IKZF4: variants seen among roughly 807,000 people sequenced by gnomAD.
The protein encoded by IKZF4 is zinc finger protein Eos.
IKZF4 carries 11 observed loss-of-function variants against 47.7 expected under a neutral mutation model. The ratio of observed to expected loss-of-function variants is 0.23; its 90% CI spans 0.15 to 0.38. The LOEUF (loss-of-function observed/expected upper bound fraction) is 0.38, where lower values mean the gene tolerates loss of function less well. IKZF4 is among the 10% of genes least tolerant of loss of function. IKZF4 has a pLI of 1.00. For synonymous variants in IKZF4, 298 were observed against 299.4 expected, an observed-to-expected ratio of 1.00 and a Z score of 0.05; for missense variants, 557 against 784.9, an observed-to-expected ratio of 0.71 and a Z score of 3.47.
At position 56,022,562 on chromosome 12, in the gene IKZF4, A is replaced by G. The variant is rs76025633; in HGVS notation, c.87+982A>G. 5.6e-3 allele frequency among the ~76,000 whole-genome samples: 848 copies of G among 152,288 alleles called. 3 individuals are homozygous for G. Among genetic ancestry groups the G allele is most frequent in the Non-Finnish European group, 9.1e-3 (618 of 68,030 alleles). On this transcript the variant is annotated intron_variant, in intron 1 of 7. Transcript: ENST00000547167. Reference sequence around the variant, plus strand: ...ACTCTAGTCCCCTCACCCCTGAGCTAGAATTCAAAATCCTTGGTGCCCAAG... The same window carrying G: ...ACTCTAGTCCCCTCACCCCTGAGCTGGAATTCAAAATCCTTGGTGCCCAAG...
Position 56,024,784 on chromosome 12 carries a change from T to G in IKZF4, c.182-270T>G, listed in dbSNP as rs1387881965. On this transcript the variant is annotated intron_variant, in intron 2 of 7. Coordinates refer to ENST00000547167, the MANE Select transcript of IKZF4 (RefSeq NM_022465.4). The stretch of plus-strand genomic sequence containing the variant: ...TGGCGCACCCAGCCTCAGCCCTGCT[T>G]CCTGTGGACGTCAGGCAGTGATGCT... 5 of 1,305,610 alleles carry G rather than the reference T, an allele frequency of 3.8e-6. No homozygotes were observed. In the African/African-American group the frequency reaches 7.6e-5, roughly 20 times the overall value. 80.9% of individuals were successfully genotyped at this position (1,305,610 alleles called of 1,614,324 possible).
intron 2 of IKZF4, among the ~76,000 whole-genome samples, chr12:56,012,780 C>T (rs1422135045): frequency 1.3e-5 from 2 of 152,140 alleles, no homozygotes; most frequent in African/African-American, 4.8e-5. Flanking sequence ...TAGGAGAAAG[C>T]CAGGGCCATG....
intron 1 of IKZF4, among the ~76,000 whole-genome samples, chr12:56,009,361 C>G (rs758472053): frequency 6.6e-6 from 1 of 152,222 alleles, no homozygotes; most frequent in African/African-American, 2.4e-5. Flanking sequence ...AAGGCCAAAT[C>G]AGACAATCTT....
At chr12:56,018,157 A>G (rs1426379744), upstream of IKZF4, 11 of 1,289,256 alleles carry the variant, frequency 8.5e-6, no homozygotes, top group East Asian at 1.7e-4. Context: ...GAAGACTGCA[A>G]TGGCCGCTCC....
chr12:56,015,770 C>G (rs1891960126), intron 2 of IKZF4, among the ~76,000 whole-genome samples: 2 of 152,194 alleles, frequency 1.3e-5, no homozygotes, highest in Non-Finnish European at 2.9e-5. Flanking sequence ...AAGGGCCCCT[C>G]AATACCAGAC....
At chr12:56,033,431 G>GGC in intron 7 of IKZF4, 110 bp downstream of exon 7, 3 of 1,395,506 alleles carry the variant, frequency 2.1e-6, no homozygotes, top group Admixed American at 1.8e-5. Context: ...TGGTGGGCTG[G>GGC]GTGCAGTGGC....
intron 5 of IKZF4, among the ~76,000 whole-genome samples, chr12:56,028,934 C>A (rs191217709): frequency 3.9e-5 from 6 of 152,054 alleles, no homozygotes; most frequent in Non-Finnish European, 2.9e-5. Context: ...GCCCTATTAC[C>A]CCCAACATCT....
intron 2 of IKZF4, among the ~76,000 whole-genome samples, chr12:56,012,801 G>A (rs1891500876): frequency 6.6e-5 from 10 of 152,148 alleles, no homozygotes; most frequent in Admixed American, 6.5e-4. Flanking sequence ...GAGGACTCTT[G>A]TTTATGCCAA....
chr12:56,015,170 G>A (rs936787108), intron 2 of IKZF4, among the ~76,000 whole-genome samples: 17 of 152,026 alleles, frequency 1.1e-4, no homozygotes, highest in African/African-American at 3.1e-4. Context: ...TCTGTCTCCC[G>A]GGTTCAAGCA....
At chr12:56,023,955 A>C (rs1893517501) in intron 2 of IKZF4, 191 bp downstream of exon 2, 1 of 981,456 alleles carries the variant, frequency 1.0e-6, no homozygotes, top group African/African-American at 1.8e-5. Context: ...CAGTATGTTT[A>C]TCCCAATAGG....
chr12:56,017,229 C>A (rs543871659), upstream of IKZF4, among the ~76,000 whole-genome samples: 5 of 126,636 alleles, frequency 3.9e-5, no homozygotes, highest in East Asian at 8.6e-4. Flanking sequence ...AGACTCCCCC[C>A]CCGCCCCCCC....
At chr12:56,023,851 C>T (rs1893493395) in intron 2 of IKZF4, 87 bp downstream of exon 2, 4 of 1,540,988 alleles carry the variant, frequency 2.6e-6, no homozygotes, top group African/African-American at 2.7e-5. Flanking sequence ...CTCTTTCTTG[C>T]ACTCTCCCTT....
At chr12:56,013,309 C>T (rs1294420074) in intron 2 of IKZF4, among the ~76,000 whole-genome samples, 1 of 151,966 alleles carries the variant, frequency 6.6e-6, no homozygotes, top group African/African-American at 2.4e-5. Context: ...GATTCTTATG[C>T]CTCAGCCTCC....
intron 3 of IKZF4, 105 bp from the exon 4 acceptor site, chr12:56,026,676 C>T (rs913066716): frequency 4.5e-5 from 57 of 1,255,422 alleles, no homozygotes; most frequent in Non-Finnish European, 5.3e-5. Context: ...GCAACAAGAG[C>T]GAAATTCCAT....
upstream of IKZF4, chr12:56,020,791 C>T (rs753756456): frequency 6.5e-5 from 16 of 247,808 alleles, no homozygotes; most frequent in Non-Finnish European, 4.5e-5. Flanking sequence ...TGGGCCCTCT[C>T]ACTGCTGGAA....
intron 4 of IKZF4, among the ~76,000 whole-genome samples, chr12:56,027,361 T>A (rs1030152381): frequency 6.6e-6 from 1 of 151,744 alleles, no homozygotes; most frequent in Non-Finnish European, 1.5e-5. Flanking sequence ...AATGGTCCAA[T>A]AGGGGTAAGA....
chr12:56,016,741 C>T (rs1308630935), upstream of IKZF4, among the ~76,000 whole-genome samples: 1 of 152,050 alleles, frequency 6.6e-6, no homozygotes, highest in East Asian at 1.9e-4. Flanking sequence ...GGATTACAGG[C>T]ATGCGCCACC....
At chr12:56,014,217 C>G (rs539527728) in intron 2 of IKZF4, among the ~76,000 whole-genome samples, 42 of 151,732 alleles carry the variant, frequency 2.8e-4, no homozygotes, top group Admixed American at 1.3e-3. Context: ...CTGGAGGCAG[C>G]TAAGTACAGC....
At chr12:56,022,726 A>G (rs1592931871) in intron 1 of IKZF4, among the ~76,000 whole-genome samples, 1 of 148,240 alleles carries the variant, frequency 6.7e-6, no homozygotes, top group Non-Finnish European at 1.5e-5. Context: ...TACTGGTGTG[A>G]CTCCTGCTTC....
Sources: gnomAD v4.1 joint callset for allele counts (sites outside exome capture counted in the v4.1 genomes callset) on GRCh38, gnomAD v4.1.1 for gene constraint, MANE v1.5 for transcripts, NCBI Gene and HGNC (gene_info 2026-07-23, HGNC 2026-07-21) for gene names.